The following HYCC1 variants were observed in gnomAD, a reference collection of about 807,000 sequenced individuals.
HYCC1 encodes hyccin.
At chr7:22,990,924 T>A in the HYCC1 span, 1 of 647,890 alleles carries the variant, frequency 1.5e-6, no homozygotes, top group Non-Finnish European at 2.8e-6. Flanking sequence ...TAAATAACTC[T>A]CTATTGAGAT....
chr7:22,951,749 A>ATGAATATTGGATGGATATC, the HYCC1 span, among the ~76,000 whole-genome samples: 3 of 151,972 alleles, frequency 2.0e-5, no homozygotes, highest in African/African-American at 7.2e-5. Flanking sequence ...ATGGAATATT[A>ATGAATATTGGATGGATATC]ACTCAATGTG....
At chr7:23,013,990 A>T in the HYCC1 span, 1 of 471,080 alleles carries the variant, frequency 2.1e-6, no homozygotes, top group Non-Finnish European at 4.4e-6. Flanking sequence ...ACAGCGACGG[A>T]GGCTGCTCTG....
At chr7:22,908,150 G>A in the HYCC1 span, among the ~76,000 whole-genome samples, 4 of 152,156 alleles carry the variant, frequency 2.6e-5, no homozygotes, top group African/African-American at 9.7e-5. Flanking sequence ...AACATAAGAA[G>A]AGCTTAAGTG....
chr7:22,951,024 G>C, the HYCC1 span, among the ~76,000 whole-genome samples: 1 of 151,932 alleles, frequency 6.6e-6, no homozygotes, highest in South Asian at 2.1e-4. Context: ...CTCTCCACAT[G>C]TAGAAATGAA....
At chr7:22,989,244 G>T in the HYCC1 span, among the ~76,000 whole-genome samples, 13 of 151,316 alleles carry the variant, frequency 8.6e-5, no homozygotes, top group East Asian at 1.9e-3. Context: ...AAAAAGCCGT[G>T]ATAACAGACT....
At chr7:22,921,206 G>T in the HYCC1 span, among the ~76,000 whole-genome samples, 2 of 152,182 alleles carry the variant, frequency 1.3e-5, no homozygotes, top group Non-Finnish European at 2.9e-5. Context: ...CTACATGTAT[G>T]TATGTATATA....
chr7:22,988,944 G>A, the HYCC1 span, among the ~76,000 whole-genome samples: 7 of 151,904 alleles, frequency 4.6e-5, no homozygotes, highest in Admixed American at 6.6e-5. Context: ...CTCACTCCTC[G>A]GTACTGCACT....
the HYCC1 span, among the ~76,000 whole-genome samples, chr7:22,924,510 A>C: frequency 1.3e-5 from 2 of 152,266 alleles, no homozygotes; most frequent in African/African-American, 4.8e-5. Flanking sequence ...CAACGGGCTT[A>C]ACAAACAGCA....
chr7:22,954,115 T>C, the HYCC1 span, among the ~76,000 whole-genome samples: 4 of 151,466 alleles, frequency 2.6e-5, no homozygotes, highest in Admixed American at 2.0e-4. Flanking sequence ...ACTGAAGACT[T>C]TTCTCATAGT....
the HYCC1 span, among the ~76,000 whole-genome samples, chr7:22,909,297 C>T: frequency 8.5e-5 from 13 of 152,148 alleles, no homozygotes; most frequent in Non-Finnish European, 1.6e-4. Flanking sequence ...CTTGTTCCTG[C>T]TCCTGCCATG....
the HYCC1 span, among the ~76,000 whole-genome samples, chr7:23,013,513 G>A: frequency 6.6e-6 from 1 of 152,172 alleles, no homozygotes; most frequent in Non-Finnish European, 1.5e-5. Context: ...GGGAGGGGAC[G>A]GGGGGCTCCC....
chr7:22,936,601 T>C, the HYCC1 span: 1 of 152,230 alleles, frequency 6.6e-6, no homozygotes, highest in East Asian at 1.9e-4. Flanking sequence ...TAGCTCCCAA[T>C]TTTTGTCACT....
the HYCC1 span, among the ~76,000 whole-genome samples, chr7:22,962,326 A>G: frequency 1.3e-5 from 2 of 152,178 alleles, no homozygotes; most frequent in African/African-American, 4.8e-5. Context: ...GCCTGTATCC[A>G]CCACAGGCTC....
the HYCC1 span, among the ~76,000 whole-genome samples, chr7:22,950,949 T>C: frequency 6.6e-6 from 1 of 150,764 alleles, no homozygotes; most frequent in Non-Finnish European, 1.5e-5. Context: ...TCAAAAAAGA[T>C]CCAAAAAGAA....
the HYCC1 span, chr7:22,977,498 A>G: frequency 1.1e-6 from 1 of 870,016 alleles, no homozygotes; most frequent in Non-Finnish European, 1.8e-6. Context: ...TAAATAGTCT[A>G]AAACATTTTT....
chr7:22,930,815 A>C, the HYCC1 span, among the ~76,000 whole-genome samples: 2 of 152,156 alleles, frequency 1.3e-5, no homozygotes, highest in African/African-American at 4.8e-5. Context: ...CCAGGAATGC[A>C]AGGTTGGTTT....
chr7:22,996,398 G>T, the HYCC1 span, among the ~76,000 whole-genome samples: 1 of 151,622 alleles, frequency 6.6e-6, no homozygotes, highest in East Asian at 1.9e-4. Flanking sequence ...TAAAGTATAG[G>T]ATAATTTTTT....
the HYCC1 span, among the ~76,000 whole-genome samples, chr7:22,969,583 C>T: frequency 2.0e-5 from 3 of 151,102 alleles, no homozygotes; most frequent in South Asian, 2.1e-4. Context: ...GGCAGTGGCA[C>T]GATGATCTCA....
the HYCC1 span, among the ~76,000 whole-genome samples, chr7:22,980,307 T>C: frequency 3.3e-5 from 5 of 151,910 alleles, no homozygotes; most frequent in Non-Finnish European, 5.9e-5. Context: ...ATATTATTTA[T>C]GGTGGTTAGG....
Sources: gnomAD v4.1 joint callset for allele counts (sites outside exome capture counted in the v4.1 genomes callset) on GRCh38, gnomAD v4.1.1 for gene constraint, MANE v1.5 for transcripts, NCBI Gene and HGNC (gene_info 2026-07-23, HGNC 2026-07-21) for gene names.